DKK2: variants seen among roughly 807,000 people sequenced by gnomAD.
DKK2 encodes dickkopf Wnt signaling pathway inhibitor 2, also known as dickkopf-related protein 2.
In DKK2, 11 loss-of-function variants were observed where a neutral mutation model predicts 28.1. The observed-to-expected ratio is 0.39, with a 90% confidence interval of 0.25 to 0.65. DKK2 has a LOEUF of 0.65. Among genes scored for constraint, DKK2 ranks in the 30% least tolerant of loss-of-function variants. The pLI, the probability that DKK2 is intolerant of heterozygous loss-of-function variation, is 0.47. For missense variants in DKK2, 326 were observed against 335.5 expected (o/e 0.97, Z 0.22); for synonymous variants, 135 against 126.5 (o/e 1.07, Z -0.45).
At chr4:106,965,893 A>G (rs1055056761) in intron 1 of DKK2, among the ~76,000 whole-genome samples, 9 of 150,062 alleles carry the variant, frequency 6.0e-5, no homozygotes, top group African/African-American at 2.2e-4. Context: ...ATGTTTTCCA[A>G]TTTCATCCAT....
intron 1 of DKK2, among the ~76,000 whole-genome samples, chr4:106,943,522 A>C (rs1724732484): frequency 2.0e-5 from 3 of 152,164 alleles, no homozygotes; most frequent in Non-Finnish European, 4.4e-5. Flanking sequence ...TTGATTTTTA[A>C]AATTGAAGTC....
chr4:107,011,032 T>G (rs1007587178), intron 1 of DKK2, among the ~76,000 whole-genome samples: 1 of 151,510 alleles, frequency 6.6e-6, no homozygotes, highest in African/African-American at 2.4e-5. Context: ...TCCAGTCTCT[T>G]GCAATCTGAA....
intron 1 of DKK2, among the ~76,000 whole-genome samples, chr4:106,951,521 G>A (rs1341807020): frequency 6.6e-6 from 1 of 152,060 alleles, no homozygotes; most frequent in Admixed American, 6.6e-5. Context: ...GAATGAAACC[G>A]TGTCATTTGC....
chr4:106,993,874 C>T (rs1723236982), intron 1 of DKK2, among the ~76,000 whole-genome samples: 1 of 152,078 alleles, frequency 6.6e-6, no homozygotes, highest in African/African-American at 2.4e-5. Context: ...GTTATCTATC[C>T]TGTCTGGGCA....
At chr4:106,927,224 A>G (rs1460221384) in intron 1 of DKK2, among the ~76,000 whole-genome samples, 2 of 152,082 alleles carry the variant, frequency 1.3e-5, no homozygotes, top group Admixed American at 6.6e-5. Context: ...CTCGGCCTGC[A>G]TTGCTCATGT....
At chr4:106,959,359 T>A (rs1001711893) in intron 1 of DKK2, among the ~76,000 whole-genome samples, 1 of 152,152 alleles carries the variant, frequency 6.6e-6, no homozygotes, top group East Asian at 1.9e-4. Context: ...AAGAAATTGG[T>A]CTTCCATGCC....
intron 1 of DKK2, among the ~76,000 whole-genome samples, chr4:106,966,951 A>C (rs1388535181): frequency 6.6e-6 from 1 of 152,160 alleles, no homozygotes; most frequent in Non-Finnish European, 1.5e-5. Flanking sequence ...GACACAGCCA[A>C]ACCATATCAA....
Position 106,943,591 on chromosome 4 carries a change from G to GAAGAA in DKK2, c.223-17647_223-17643dup, listed in dbSNP as rs532801950. Among the ~76,000 whole-genome samples the GAAGAA allele has an allele frequency of 3.8e-3, 574 of 152,192 alleles. 3 individuals carry two copies. The highest frequency in any genetic ancestry group is 0.013 in the African/African-American group (541 of 41,550). On this transcript the variant is annotated intron_variant, in intron 1 of 3. Coordinates refer to ENST00000285311, the MANE Select transcript of DKK2 (RefSeq NM_014421.3). ...AGGGAAGAGTATTATATGTATTTGA[G>GAAGAA]AAGAAAGAACATTGGCTAGTGAGTA...
intron 2 of DKK2, among the ~76,000 whole-genome samples, chr4:106,925,405 C>T (rs1724410674): frequency 6.6e-6 from 1 of 152,196 alleles, no homozygotes; most frequent in African/African-American, 2.4e-5. Flanking sequence ...TACCATAAGA[C>T]TGAGCCACAG....
intron 1 of DKK2, among the ~76,000 whole-genome samples, chr4:107,031,179 T>C (rs1021131016): frequency 3.3e-5 from 5 of 152,016 alleles, no homozygotes; most frequent in Non-Finnish European, 7.4e-5. Context: ...TCCTTTATTT[T>C]TTAAAATTTA....
chr4:106,983,037 T>TGAAA (rs201972964), intron 1 of DKK2, among the ~76,000 whole-genome samples: 41 of 104,316 alleles, frequency 3.9e-4, no homozygotes, highest in African/African-American at 1.1e-3. Context: ...AGAAGAAAGA[T>TGAAA]GAAAGAAAGA....
rs754515017 is a variant in DKK2, at chr4:106,964,960, TATAGATAG to T, written c.223-39019_223-39012del. Among the ~76,000 whole-genome samples, 800 of 146,434 alleles carry T rather than the reference TATAGATAG, an allele frequency of 5.5e-3. 5 individuals carry two copies. The highest frequency in any genetic ancestry group is 0.036 in the East Asian group (176 of 4,938). On this transcript the variant is annotated intron_variant, in intron 1 of 3. Transcript: ENST00000285311. Reference sequence around the variant, plus strand: ...GATAGATTAGATATAGATAGATAGATATAGATAGATAGATAGATAGATAGATAGATAGA... The same window carrying T: ...GATAGATTAGATATAGATAGATAGATATAGATAGATAGATAGATAGATAGA...
intron 1 of DKK2, among the ~76,000 whole-genome samples, chr4:106,966,439 T>C (rs1033960939): frequency 1.3e-5 from 2 of 152,218 alleles, no homozygotes; most frequent in Non-Finnish European, 2.9e-5. Flanking sequence ...TCTCCATCTC[T>C]TCTAAATTTT....
intron 1 of DKK2, among the ~76,000 whole-genome samples, chr4:106,964,960 T>TATAGATAG (rs754515017): frequency 0.03 from 4,337 of 146,378 alleles, 72 homozygotes; most frequent in East Asian, 0.044. Flanking sequence ...GATAGATAGA[T>TATAGATAG]ATAGATAGAT....
intron 1 of DKK2, among the ~76,000 whole-genome samples, chr4:106,998,467 C>A (rs1723306877): frequency 6.6e-6 from 1 of 152,166 alleles, no homozygotes; most frequent in South Asian, 2.1e-4. Context: ...CCTTCCAGAA[C>A]AATCTCTGAA....
chr4:107,018,314 GC>G (rs1464898804), intron 1 of DKK2, among the ~76,000 whole-genome samples: 6 of 152,062 alleles, frequency 3.9e-5, no homozygotes, highest in Non-Finnish European at 8.8e-5. Context: ...ATGTGGGCTG[GC>G]CAGAGCTGCA....
chr4:106,974,697 T>G (rs1328481417), intron 1 of DKK2, among the ~76,000 whole-genome samples: 1 of 152,192 alleles, frequency 6.6e-6, no homozygotes, highest in Non-Finnish European at 1.5e-5. Context: ...ACAGAGACAA[T>G]TTGACTTCCT....
At position 106,964,958 on chromosome 4, in the gene DKK2, GAT is replaced by G. The variant is rs375152110; in HGVS notation, c.223-39011_223-39010del. ...ATGATAGATTAGATATAGATAGATA[GAT>G]ATAGATAGATAGATAGATAGATAGA... On this transcript the variant is annotated intron_variant, in intron 1 of 3. Coordinates refer to ENST00000285311, the MANE Select transcript of DKK2 (RefSeq NM_014421.3). Among the ~76,000 whole-genome samples, 941 of 118,522 alleles carry G rather than the reference GAT, an allele frequency of 7.9e-3. 10 individuals carry two copies. The highest frequency in any genetic ancestry group is 0.026 in the African/African-American group (843 of 33,050). 77.8% of individuals were successfully genotyped at this position (118,522 alleles called of 152,430 possible).
rs1407059922 is a variant in DKK2, at chr4:106,987,864, TTC to T, written c.222+47504_222+47505del. Among the ~76,000 whole-genome samples the T allele has an allele frequency of 2.1e-5, 3 of 145,582 alleles. No homozygotes were observed. The Admixed American group carries it at 2.2e-4, about 11-fold the overall frequency. On this transcript the variant is annotated intron_variant, in intron 1 of 3. Transcript: ENST00000285311. ...CCCTAACTGACATGATGTTACTCTC[TTC>T]TTTTTTTTTTTTTTTTGAGATGGAG...
Sources: allele counts gnomAD v4.1 joint callset (sites outside exome capture counted in the v4.1 genomes callset), GRCh38; gene constraint gnomAD v4.1.1; transcripts MANE v1.5; gene names NCBI Gene and HGNC (gene_info 2026-07-23, HGNC 2026-07-21).